The following GLIS3 variants were observed in gnomAD, a reference collection of about 807,000 sequenced individuals.
GLIS3 encodes zinc finger protein GLIS3.
Under a neutral mutation model 78.6 loss-of-function variants are expected in GLIS3, and 53 were observed. The observed-to-expected ratio is 0.67, with a 90% CI of 0.54 to 0.85. The LOEUF (loss-of-function observed/expected upper bound fraction) is 0.85. Among genes scored for constraint, GLIS3 ranks in the 40% least tolerant of loss-of-function variants. The probability of loss-of-function intolerance (pLI) is 0.00; values close to 1 mark genes in which losing one functional copy is unlikely to be tolerated. For synonymous variants in GLIS3, 684 were observed against 509.9 expected (o/e 1.34, Z -4.60); for missense variants, 1,703 against 1,231.1 (o/e 1.38, Z -5.74).
At chr9:4,042,534 C>G (rs1722289655) in intron 4 of GLIS3, among the ~76,000 whole-genome samples, 1 of 152,172 alleles carries the variant, frequency 6.6e-6, no homozygotes, top group South Asian at 2.1e-4. Context: ...CCCTCACCAT[C>G]TAGTGCCTGT....
intron 4 of GLIS3, among the ~76,000 whole-genome samples, chr9:4,038,923 G>C (rs1226094023): frequency 1.3e-5 from 2 of 152,142 alleles, no homozygotes; most frequent in Non-Finnish European, 2.9e-5. Context: ...CTCCAAGGCA[G>C]TCTAATTTCC....
At chr9:4,433,457 T>C in the GLIS3 span, among the ~76,000 whole-genome samples, 2 of 152,006 alleles carry the variant, frequency 1.3e-5, no homozygotes, top group Non-Finnish European at 2.9e-5. Flanking sequence ...AATAAATAAA[T>C]AAAATGAGCT....
intron 4 of GLIS3, among the ~76,000 whole-genome samples, chr9:4,045,027 CAG>C (rs886603544): frequency 2.0e-5 from 3 of 152,160 alleles, no homozygotes; most frequent in Admixed American, 6.6e-5. Flanking sequence ...GAGAACAGAG[CAG>C]AGTCTGTTTT....
chr9:4,283,546 G>A (rs560412088), intron 2 of GLIS3, among the ~76,000 whole-genome samples: 4 of 152,208 alleles, frequency 2.6e-5, no homozygotes, highest in South Asian at 2.1e-4. Flanking sequence ...GATTACAAGC[G>A]TGAGCCATCG....
rs545902044 is a variant in GLIS3, at chr9:4,195,568, C to T, written c.389-69627G>A. On this transcript the variant is annotated intron_variant, in intron 2 of 10. Transcript: ENST00000381971. ...GGCTCGGGACCTGCAGCCCGCCATG[C>T]CCGAGCTCCCCTCCACGGGCTCCCA... Among the ~76,000 whole-genome samples the T allele has an allele frequency of 2.4e-4, 37 of 152,364 alleles. 2 individuals carry two copies. In the South Asian group the frequency reaches 7.7e-3, roughly 32 times the overall value.
In GLIS3 at chr9:4,321,421, C is replaced by CAAAAAAAAAA; in HGVS notation, n.265-10903_265-10894dup. 6.9e-3 allele frequency among the ~76,000 whole-genome samples: 112 copies of CAAAAAAAAAA among 16,288 alleles called. 35 individuals are homozygous for CAAAAAAAAAA. Among genetic ancestry groups the CAAAAAAAAAA allele is most frequent in the Non-Finnish European group, 0.01 (92 of 9,156 alleles). The allele number at this position is 16,288 out of a possible 152,430, so 10.7% of individuals were successfully genotyped here. A position where few individuals can be genotyped will look rare whatever the true frequency, so the allele number is the denominator to read the frequency against. On this transcript the variant is annotated intron_variant and non_coding_transcript_variant, in intron 2 of 4. Coordinates refer to the GLIS3 transcript ENST00000471664. ...TGGGCCACAGAGCTAGACTCCGTCT[C>CAAAAAAAAAA]AAAAAAAAAAAAAAAAAAAAAAAAA...
At chr9:4,136,617 A>T (rs1337471004) in intron 2 of GLIS3, among the ~76,000 whole-genome samples, 1 of 152,192 alleles carries the variant, frequency 6.6e-6, no homozygotes, top group Non-Finnish European at 1.5e-5. Context: ...AATACCCTTT[A>T]GAAAAGAATA....
intron 2 of GLIS3, among the ~76,000 whole-genome samples, chr9:4,205,069 G>A (rs1819744547): frequency 6.6e-6 from 1 of 151,872 alleles, no homozygotes; most frequent in African/African-American, 2.4e-5. Context: ...CCAGCTACTT[G>A]GGAGGCTGAG....
At chr9:4,434,420 A>G in the GLIS3 span, among the ~76,000 whole-genome samples, 1 of 152,328 alleles carries the variant, frequency 6.6e-6, no homozygotes, top group East Asian at 1.9e-4. Flanking sequence ...TATGGGCTCA[A>G]AAAAATCTTT....
intron 8 of GLIS3, among the ~76,000 whole-genome samples, chr9:3,866,057 C>G (rs1463122564): frequency 6.6e-6 from 1 of 152,108 alleles, no homozygotes; most frequent in Non-Finnish European, 1.5e-5. Context: ...AGAACAATTG[C>G]CTGCTCTGGG....
chr9:4,224,795 T>C (rs1821630113), intron 2 of GLIS3, among the ~76,000 whole-genome samples: 1 of 151,880 alleles, frequency 6.6e-6, no homozygotes, highest in African/African-American at 2.4e-5. Context: ...TTTCAAGCTA[T>C]TTTCATTTAC....
At chr9:4,259,645 T>A (rs7023343) in intron 2 of GLIS3, among the ~76,000 whole-genome samples, 21,631 of 152,134 alleles carry the variant, frequency 0.14, 1,666 homozygotes, top group Non-Finnish European at 0.16. Context: ...AATGGTGTTA[T>A]GCAAGAGTAA....
intron 4 of GLIS3, among the ~76,000 whole-genome samples, chr9:4,045,187 T>C (rs1825141001): frequency 1.3e-5 from 2 of 152,184 alleles, no homozygotes; most frequent in South Asian, 2.1e-4. Context: ...ATTTTGGCCA[T>C]ATTGATATTG....
chr9:4,315,239 G>C (rs78080295), intron 2 of GLIS3, among the ~76,000 whole-genome samples: 1 of 152,052 alleles, frequency 6.6e-6, no homozygotes, highest in African/African-American at 2.4e-5. Context: ...TCGTCATCTT[G>C]TCAGTCTCTA....
At chr9:4,272,777 G>A (rs918150457) in intron 2 of GLIS3, among the ~76,000 whole-genome samples, 1 of 152,168 alleles carries the variant, frequency 6.6e-6, no homozygotes, top group Admixed American at 6.5e-5. Context: ...TTGATCGGAA[G>A]GCTGTTAAGA....
At chr9:3,926,977 C>G (rs1299900798) in intron 6 of GLIS3, among the ~76,000 whole-genome samples, 1 of 152,218 alleles carries the variant, frequency 6.6e-6, no homozygotes, top group African/African-American at 2.4e-5. Context: ...ATGATCAGCT[C>G]CTCAGAGAGG....
intron 4 of GLIS3, among the ~76,000 whole-genome samples, chr9:4,085,489 C>G (rs1362048359): frequency 1.3e-5 from 2 of 150,714 alleles, no homozygotes; most frequent in Admixed American, 1.3e-4. Context: ...CACGTGATAG[C>G]CAGAATTAAA....
intron 4 of GLIS3, among the ~76,000 whole-genome samples, chr9:3,970,903 G>C (rs986498148): frequency 4.0e-5 from 6 of 151,878 alleles, no homozygotes; most frequent in Non-Finnish European, 8.8e-5. Context: ...CCTGCTATAT[G>C]ACTTTAGTAT....
At chr9:4,184,541 G>C (rs750760584) in intron 2 of GLIS3, among the ~76,000 whole-genome samples, 1 of 152,184 alleles carries the variant, frequency 6.6e-6, no homozygotes, top group Non-Finnish European at 1.5e-5. Context: ...TCCGGGACTG[G>C]GAGACACAGG....
Sources: gnomAD v4.1 joint callset for allele counts (sites outside exome capture counted in the v4.1 genomes callset) on GRCh38, gnomAD v4.1.1 for gene constraint, MANE v1.5 for transcripts, NCBI Gene and HGNC (gene_info 2026-07-23, HGNC 2026-07-21) for gene names.